LPAR1: variants seen among roughly 807,000 people sequenced by gnomAD.
LPAR1 encodes LPA receptor 1.
In LPAR1, 5 loss-of-function variants were observed where a neutral mutation model predicts 23.8. That is an observed-to-expected ratio of 0.21 (90% CI 0.11 to 0.44). LPAR1 has a LOEUF of 0.44. Ranked by LOEUF, LPAR1 falls within the 20% of genes least tolerant of loss-of-function variation. The pLI is 0.99. For missense variants in LPAR1, 311 were observed against 482.8 expected (o/e 0.64, Z 3.33); for synonymous variants, 160 against 164.7 (o/e 0.97, Z 0.22).
intron 2 of LPAR1, among the ~76,000 whole-genome samples, chr9:110,982,649 T>A (rs1217884548): frequency 1.3e-5 from 2 of 151,312 alleles, no homozygotes; most frequent in African/African-American, 2.4e-5. Flanking sequence ...AATAAAAAAA[T>A]TTAAAAAGAA....
At chr9:110,948,519 T>C (rs944009275) in intron 4 of LPAR1, among the ~76,000 whole-genome samples, 52 of 152,148 alleles carry the variant, frequency 3.4e-4, no homozygotes, top group Admixed American at 3.1e-3. Context: ...AACACATAAA[T>C]TGTAAGTTAA....
chr9:110,981,170 CTT>C (rs2096658147), intron 2 of LPAR1, among the ~76,000 whole-genome samples: 2 of 152,090 alleles, frequency 1.3e-5, no homozygotes, highest in Admixed American at 1.3e-4. Flanking sequence ...TTTCTTATAA[CTT>C]TTAACAGTTT....
At chr9:110,979,430 T>C (rs1454249837) in intron 2 of LPAR1, among the ~76,000 whole-genome samples, 1 of 152,008 alleles carries the variant, frequency 6.6e-6, no homozygotes, top group African/African-American at 2.4e-5. Context: ...TGAAGTCAAA[T>C]GACTAACTCA....
intron 2 of LPAR1, among the ~76,000 whole-genome samples, chr9:111,012,075 C>A (rs1229076670): frequency 2.0e-5 from 3 of 152,092 alleles, no homozygotes; most frequent in Non-Finnish European, 4.4e-5. Flanking sequence ...CATAGCGAGA[C>A]CCTGTCTCTA....
At chr9:110,983,251 A>G (rs1269898125) in intron 2 of LPAR1, among the ~76,000 whole-genome samples, 2 of 152,122 alleles carry the variant, frequency 1.3e-5, no homozygotes, top group Non-Finnish European at 2.9e-5. Flanking sequence ...CAAGAGGTAG[A>G]AGCAACCCAA....
intron 2 of LPAR1, among the ~76,000 whole-genome samples, chr9:111,010,555 T>C (rs1434502636): frequency 6.6e-6 from 1 of 152,074 alleles, no homozygotes; most frequent in Non-Finnish European, 1.5e-5. Flanking sequence ...CCTTTCAAGA[T>C]AAGGGAAAAG....
intron 2 of LPAR1, among the ~76,000 whole-genome samples, chr9:111,025,695 C>A (rs949053170): frequency 6.6e-6 from 1 of 152,136 alleles, no homozygotes. Context: ...ACATTTAAAT[C>A]TTTAATCCAC....
intron 2 of LPAR1, among the ~76,000 whole-genome samples, chr9:110,995,664 C>G (rs980295625): frequency 1.3e-5 from 2 of 152,132 alleles, no homozygotes; most frequent in Non-Finnish European, 2.9e-5. Context: ...CTTGAGGGAG[C>G]ACCAAGAAAG....
chr9:110,987,547 T>C (rs546503526), intron 2 of LPAR1, among the ~76,000 whole-genome samples: 1 of 151,860 alleles, frequency 6.6e-6, no homozygotes, highest in Admixed American at 6.6e-5. Flanking sequence ...CAGCTGGCTC[T>C]ACATGAATTA....
At chr9:110,876,565 G>A (rs563612341) in intron 5 of LPAR1, among the ~76,000 whole-genome samples, 71 of 152,214 alleles carry the variant, frequency 4.7e-4, no homozygotes, top group Non-Finnish European at 8.4e-4. Context: ...CAAGGCCACA[G>A]TACTGGAAAG....
Position 110,941,587 on chromosome 9 carries a change from G to A in LPAR1, c.627C>T (p.Phe209=), listed in dbSNP as rs768845629. 15 of 1,614,100 alleles carry A rather than the reference G, an allele frequency of 9.3e-6. No individual in the cohort carries two copies. In the South Asian group the frequency reaches 1.6e-4, roughly 18 times the overall value. The part of the protein sequence containing the change: ...APLYSDSYLV[F]WAIFNLVTFV... ...AGGTCACCAAGTTGAAAATGGCCCA[G>A]AAGACTAAGTAAGAGTCACTGTAGA... The change falls in exon 5 of 6, where the codon TTC becomes TTT. Residue 209 remains phenylalanine, a synonymous_variant. Coordinates refer to ENST00000683809, the MANE Select transcript of LPAR1 (RefSeq NM_001351411.2). This position sits in a 1 kb window ranked among gnomAD's most constrained non-coding sequence, Gnocchi z 6.1.
intron 2 of LPAR1, among the ~76,000 whole-genome samples, chr9:111,005,546 CAAAAAAAAAAAAAAA>C (rs60143050): frequency 2.8e-5 from 2 of 70,336 alleles, no homozygotes; most frequent in Non-Finnish European, 4.8e-5. Context: ...GACCCTGTCT[CAAAAAAAAAAAAAAA>C]AAAAAAAAAA....
intron 5 of LPAR1, among the ~76,000 whole-genome samples, chr9:110,908,742 A>T (rs2091866597): frequency 6.6e-6 from 1 of 152,142 alleles, no homozygotes; most frequent in South Asian, 2.1e-4. Context: ...TATTGAAGGG[A>T]AAGGGCAGGT....
chr9:111,008,270 T>TA, intron 2 of LPAR1, among the ~76,000 whole-genome samples: 1 of 152,154 alleles, frequency 6.6e-6, no homozygotes, highest in Non-Finnish European at 1.5e-5. Context: ...CCCAGAATAC[T>TA]AAGAGCAAAA....
intron 4 of LPAR1, among the ~76,000 whole-genome samples, chr9:110,953,351 C>T (rs534260557): frequency 6.6e-4 from 100 of 152,260 alleles, no homozygotes; most frequent in Middle Eastern, 3.4e-3. Flanking sequence ...CCAACCACAC[C>T]CAAAGCCACT....
intron 2 of LPAR1, among the ~76,000 whole-genome samples, chr9:111,031,403 A>G (rs1010251579): frequency 3.4e-5 from 5 of 148,994 alleles, no homozygotes; most frequent in African/African-American, 7.6e-5. Flanking sequence ...TAAAAAAAAA[A>G]AAAGAAAAAA....
At chr9:110,975,498 G>A (rs965742021) in intron 2 of LPAR1, among the ~76,000 whole-genome samples, 4 of 152,180 alleles carry the variant, frequency 2.6e-5, no homozygotes, top group African/African-American at 9.7e-5. Flanking sequence ...ACACAGTCAG[G>A]AAATGAAAGA....
rs1208404448 is a variant in LPAR1, at chr9:111,031,899, G to A, written c.-182+4223C>T. Among the ~76,000 whole-genome samples the A allele has an allele frequency of 3.3e-5, 5 of 152,262 alleles. No individual in the cohort carries two copies. The East Asian group carries it at 9.7e-4, about 29-fold the overall frequency. ...ACCTCAAAGTATTGAGACTACCTTG[G>A]AGAAAATGTTCCTAAAATGGAAGAA... is the stretch of plus-strand genomic sequence containing the variant. On this transcript the variant is annotated intron_variant, in intron 2 of 5. Coordinates refer to ENST00000683809, the MANE Select transcript of LPAR1 (RefSeq NM_001351411.2).
At chr9:110,996,870 T>G (rs942144388) in intron 2 of LPAR1, among the ~76,000 whole-genome samples, 1 of 152,174 alleles carries the variant, frequency 6.6e-6, no homozygotes, top group Admixed American at 6.5e-5. Context: ...ACAAGGACCC[T>G]TCCCCTTCTG....
Sources: allele counts gnomAD v4.1 joint callset (sites outside exome capture counted in the v4.1 genomes callset), GRCh38; gene constraint gnomAD v4.1.1; non-coding constraint Gnocchi (gnomAD v3.1); transcripts MANE v1.5; gene names NCBI Gene and HGNC (gene_info 2026-07-23, HGNC 2026-07-21).